IL31RA: variants seen among roughly 807,000 people sequenced by gnomAD.
IL31RA encodes the protein interleukin 31 receptor A.
A neutral mutation model predicts 83.7 loss-of-function variants in IL31RA; 66 were observed. The ratio of observed to expected loss-of-function variants is 0.79; its 90% CI spans 0.65 to 0.97. The LOEUF (loss-of-function observed/expected upper bound fraction) is 0.97. Ranked by LOEUF, IL31RA falls within the 50% of genes least tolerant of loss-of-function variation. The probability of loss-of-function intolerance (pLI) is 0.00; values close to 1 mark genes in which losing one functional copy is unlikely to be tolerated. For synonymous variants in IL31RA, 325 were observed against 329.0 expected (o/e 0.99, Z 0.13); for missense variants, 798 against 919.4 (o/e 0.87, Z 1.71).
In IL31RA at chr5:55,917,686, A is replaced by G. The variant is rs1749868585; in HGVS notation, c.*566A>G. 6.6e-6 allele frequency among the ~76,000 whole-genome samples: 1 copy of G among 152,120 alleles called. No homozygotes were observed. Among genetic ancestry groups the G allele is most frequent in the Admixed American group, 6.5e-5 (1 of 15,276 alleles). On this transcript the variant is annotated 3_prime_UTR_variant, in exon 15 of 15. Transcript: ENST00000652347. ...CCTAAGGGGTTGTCTGAGGCTCCTC[A>G]CATCCTCTTAGATCTCAAGTGCCTG...
chr5:55,910,570 G>T lies in IL31RA; in HGVS notation c.1540G>T (p.Glu514Ter), dbSNP rs113369650. Residue 514 changes from glutamate (E) to a stop codon, truncating the protein, a stop_gained, in exon 12 of 15, where the codon GAG becomes TAG. Coordinates refer to ENST00000652347, the MANE Select transcript of IL31RA (RefSeq NM_139017.7). LOFTEE classifies it high-confidence loss of function. ...TTCCAGCATCTTGCAGTACGGCCTG[G>T]AGTCCCTGAAACGAAAGACCTCTTA... ...VNSSILQYGL[E>*]SLKRKTSYIV... 4 of 1,614,008 alleles carry T rather than the reference G, an allele frequency of 2.5e-6. No homozygotes were observed. Among genetic ancestry groups the T allele is most frequent in the Non-Finnish European group, 3.4e-6 (4 of 1,180,028 alleles).
Position 55,890,606 on chromosome 5 carries a change from G to A in IL31RA, c.772+471G>A, listed in dbSNP as rs1747924420. On this transcript the variant is annotated intron_variant, in intron 6 of 14. Transcript: ENST00000652347. The stretch of plus-strand genomic sequence containing the variant: ...GCTAGTCTTGAACTCCTGACCTCAG[G>A]TAATCTGCCCACCTTGACCTCCCAA... 2.6e-5 allele frequency among the ~76,000 whole-genome samples: 4 copies of A among 152,114 alleles called. No homozygotes were observed. In the South Asian group the frequency reaches 8.3e-4, roughly 32 times the overall value.
chr5:55,847,187 G>T (rs1157873264), upstream of IL31RA, among the ~76,000 whole-genome samples: 1 of 147,838 alleles, frequency 6.8e-6, no homozygotes. Flanking sequence ...AGGTTGTGGT[G>T]AGCCGAGATC....
At chr5:55,851,325 C>A, upstream of IL31RA, 1 of 586,412 alleles carries the variant, frequency 1.7e-6, no homozygotes, top group Non-Finnish European at 3.0e-6. Flanking sequence ...CTGAATAGAG[C>A]TTATTTAACA....
chr5:55,852,902 T>C (rs1260193760), intron 1 of IL31RA, among the ~76,000 whole-genome samples: 1 of 152,162 alleles, frequency 6.6e-6, no homozygotes, highest in Non-Finnish European at 1.5e-5. Context: ...TGTTATAGGA[T>C]TGTTGTGAAG....
At position 55,891,768 on chromosome 5, in the gene IL31RA, T is replaced by TA. The variant is rs1748014872; in HGVS notation, c.772+1633_772+1634insA. Among the ~76,000 whole-genome samples, 17 of 99,512 alleles carry TA rather than the reference T, an allele frequency of 1.7e-4. No individual in the cohort carries two copies. The South Asian group carries it at 6.6e-3, about 39-fold the overall frequency. 65.3% of individuals were successfully genotyped at this position (99,512 alleles called of 152,430 possible). A position where few individuals can be genotyped will look rare whatever the true frequency, so the allele number is the denominator to read the frequency against. ...TCCAGGGATTTGGACAAGATTTTTT[T>TA]TTTTTTTTTTTTTTTTTTTTTTTTT... On this transcript the variant is annotated intron_variant, in intron 6 of 14. Coordinates refer to ENST00000652347, the MANE Select transcript of IL31RA (RefSeq NM_139017.7).
chr5:55,871,455 C>A (rs1213020528), intron 3 of IL31RA, among the ~76,000 whole-genome samples: 1 of 152,212 alleles, frequency 6.6e-6, no homozygotes, highest in African/African-American at 2.4e-5. Flanking sequence ...ACCATGTGGA[C>A]TATAGCTAGA....
Position 55,907,496 on chromosome 5 carries a change from C to G in IL31RA, c.1354+36C>G, listed in dbSNP as rs189190188. On this transcript the variant is annotated intron_variant, in intron 10 of 14. Coordinates refer to ENST00000652347, the MANE Select transcript of IL31RA (RefSeq NM_139017.7). ...ACAAGACCCTGTGGGGAAAAGGAAA[C>G]AGTGTGACCTGTCCCACATGCCGAT... The G allele has an allele frequency of 5.0e-5, 68 of 1,357,072 alleles. No individual in the cohort carries two copies. The Middle Eastern group carries it at 2.5e-3, about 50-fold the overall frequency. The allele number at this position is 1,357,072 out of a possible 1,614,324, so 84.1% of individuals were successfully genotyped here.
intron 8 of IL31RA, among the ~76,000 whole-genome samples, chr5:55,901,814 C>T (rs1429467885): frequency 1.3e-5 from 2 of 151,792 alleles, no homozygotes; most frequent in African/African-American, 2.4e-5. Context: ...GGGGTTTCTC[C>T]ATGTTGGTCA....
intron 4 of IL31RA, among the ~76,000 whole-genome samples, chr5:55,877,036 T>G (rs1183698836): frequency 6.6e-6 from 1 of 152,196 alleles, no homozygotes; most frequent in Non-Finnish European, 1.5e-5. Flanking sequence ...TTTTATAGCT[T>G]TTTTATCCCT....
chr5:55,898,344 A>G (rs1008739738), intron 7 of IL31RA, among the ~76,000 whole-genome samples: 1 of 23,020 alleles, frequency 4.3e-5, no homozygotes, highest in African/African-American at 1.9e-4. Flanking sequence ...CGCACCTTCA[A>G]AAGGAAAGAG....
intron 8 of IL31RA, among the ~76,000 whole-genome samples, chr5:55,904,675 A>C (rs1749024085): frequency 6.6e-6 from 1 of 152,188 alleles, no homozygotes; most frequent in Non-Finnish European, 1.5e-5. Flanking sequence ...TGTTTGGGAA[A>C]AGGATCCGTC....
At chr5:55,884,315 T>C (rs548539212) in intron 5 of IL31RA, among the ~76,000 whole-genome samples, 4 of 152,280 alleles carry the variant, frequency 2.6e-5, no homozygotes, top group Non-Finnish European at 4.4e-5. Context: ...TTTACCTTTA[T>C]GCTTAATGCC....
rs914351090 is a variant in IL31RA, at chr5:55,903,838, G to A, written c.1070-2268G>A. 5.9e-5 allele frequency among the ~76,000 whole-genome samples: 9 copies of A among 152,218 alleles called. No individual in the cohort carries two copies. The highest frequency in any genetic ancestry group is 1.9e-4 in the African/African-American group (8 of 41,452). On this transcript the variant is annotated intron_variant, in intron 8 of 14. Coordinates refer to ENST00000652347, the MANE Select transcript of IL31RA (RefSeq NM_139017.7). The surrounding 1 kb of genome is among the most constrained non-coding windows in gnomAD (Gnocchi z 4.7). ...CTGCCAAAACGAAGCACTGCAGACT[G>A]GGGGGCTTCAAACAACAGAACTTTA...
intron 7 of IL31RA, among the ~76,000 whole-genome samples, chr5:55,899,255 G>A (rs964074952): frequency 6.6e-6 from 1 of 152,170 alleles, no homozygotes; most frequent in African/African-American, 2.4e-5. Context: ...TAACAGAAGG[G>A]GAAGCCCTAT....
At chr5:55,843,820 T>C in the IL31RA span, among the ~76,000 whole-genome samples, 2 of 152,204 alleles carry the variant, frequency 1.3e-5, no homozygotes, top group African/African-American at 4.8e-5. Flanking sequence ...GCATGATATC[T>C]CTTTCTCTAT....
chr5:55,867,463 T>A (rs1276205562), intron 2 of IL31RA, among the ~76,000 whole-genome samples: 1 of 151,066 alleles, frequency 6.6e-6, no homozygotes, highest in Non-Finnish European at 1.5e-5. Flanking sequence ...AATGAAATCA[T>A]CAAAATATTA....
chr5:55,867,316 T>C (rs867296534), intron 2 of IL31RA, among the ~76,000 whole-genome samples: 15 of 148,544 alleles, frequency 1.0e-4, no homozygotes, highest in African/African-American at 2.3e-4. Flanking sequence ...TGTGTGTGTG[T>C]GCGTGTGTGT....
intron 4 of IL31RA, among the ~76,000 whole-genome samples, chr5:55,878,988 C>CTTACCCAGTT (rs1318709150): frequency 1.3e-5 from 2 of 152,114 alleles, no homozygotes; most frequent in Non-Finnish European, 2.9e-5. Context: ...CCCAAAGAGT[C>CTTACCCAGTT]TTACCCAGTT....
Sources: gnomAD v4.1 joint callset for allele counts (sites outside exome capture counted in the v4.1 genomes callset) on GRCh38, gnomAD v4.1.1 for gene constraint, Gnocchi (gnomAD v3.1) non-coding constraint, MANE v1.5 for transcripts, NCBI Gene and HGNC (gene_info 2026-07-23, HGNC 2026-07-21) for gene names.